Variants in RBFOX1 observed in about 807,000 individuals in gnomAD.
The protein encoded by RBFOX1 is RNA binding fox-1 homolog 1, also known as RNA binding protein fox-1 homolog 1.
Under a neutral mutation model 57.7 loss-of-function variants are expected in RBFOX1, and 8 were observed. The observed-to-expected ratio is 0.14, with a 90% CI of 0.08 to 0.25. RBFOX1 has a LOEUF of 0.25. Among genes scored for constraint, RBFOX1 ranks in the 10% least tolerant of loss-of-function variants. The pLI is 1.00. For missense variants in RBFOX1, 611 were observed against 548.5 expected, an observed-to-expected ratio of 1.11 and a Z score of -1.14; for synonymous variants, 326 against 222.4, an observed-to-expected ratio of 1.47 and a Z score of -4.15.
In RBFOX1 at chr16:5,903,940, C is replaced by T. The variant is rs907774683; in HGVS notation, c.351+36605C>T. Among the ~76,000 whole-genome samples, 13 of 152,092 alleles carry T rather than the reference C, an allele frequency of 8.5e-5. 1 individual carries two copies. Among genetic ancestry groups the T allele is most frequent in the Non-Finnish European group, 1.6e-4 (11 of 68,032 alleles). On this transcript the variant is annotated intron_variant, in intron 4 of 19. Transcript: ENST00000641259. ...TTGCTGAGGGAAGCTGGTGGAGGCA[C>T]GTTTTCCTCTAAGCTGGGTATATGT... is the stretch of plus-strand genomic sequence containing the variant.
intron 3 of RBFOX1, among the ~76,000 whole-genome samples, chr16:5,610,845 G>A (rs999012246): frequency 2.0e-5 from 3 of 152,108 alleles, no homozygotes; most frequent in Non-Finnish European, 2.9e-5. Context: ...TCCAGCCTGG[G>A]TGACAGAGCA....
At chr16:6,683,003 C>G (rs758227301) in intron 3 of RBFOX1, among the ~76,000 whole-genome samples, 1 of 151,848 alleles carries the variant, frequency 6.6e-6, no homozygotes, top group Non-Finnish European at 1.5e-5. Context: ...CACAGCTGGG[C>G]AAGGAGTGAG....
intron 4 of RBFOX1, among the ~76,000 whole-genome samples, chr16:5,910,151 G>T (rs985025036): frequency 3.3e-5 from 5 of 152,118 alleles, no homozygotes; most frequent in African/African-American, 4.8e-5. Context: ...GATCACATGG[G>T]GGTTTGTGAA....
At chr16:6,140,591 G>A (rs1319283502) in intron 1 of RBFOX1, among the ~76,000 whole-genome samples, 1 of 152,072 alleles carries the variant, frequency 6.6e-6, no homozygotes, top group African/African-American at 2.4e-5. Flanking sequence ...GGCAATGAGA[G>A]GAGCAACAAT....
chr16:6,570,516 T>G (rs1024090706), intron 2 of RBFOX1, among the ~76,000 whole-genome samples: 5 of 152,140 alleles, frequency 3.3e-5, no homozygotes, highest in Admixed American at 2.0e-4. Context: ...TATACACACA[T>G]ACATACACAT....
chr16:6,730,269 C>T lies in RBFOX1; in HGVS notation c.-16+75619C>T, dbSNP rs80097493. 6.3e-3 allele frequency among the ~76,000 whole-genome samples: 964 copies of T among 152,182 alleles called. 12 individuals are homozygous for T. Among genetic ancestry groups the T allele is most frequent in the African/African-American group, 0.021 (886 of 41,528 alleles). On this transcript the variant is annotated intron_variant, in intron 3 of 15. Coordinates refer to ENST00000550418, the MANE Select transcript of RBFOX1 (RefSeq NM_018723.4). ...GATGGTAGAACCGTACACCAGTGTA[C>T]GGCCCTAAGGATGGGGGTAGCAATG... is the stretch of plus-strand genomic sequence containing the variant.
At chr16:5,337,418 T>C (rs1335259787) in intron 1 of RBFOX1, among the ~76,000 whole-genome samples, 1 of 152,194 alleles carries the variant, frequency 6.6e-6, no homozygotes, top group Non-Finnish European at 1.5e-5. Flanking sequence ...AGGTGATTTG[T>C]TTAGTGTATG....
intron 3 of RBFOX1, among the ~76,000 whole-genome samples, chr16:7,016,975 C>G (rs926082251): frequency 6.6e-6 from 1 of 152,124 alleles, no homozygotes; most frequent in Non-Finnish European, 1.5e-5. Flanking sequence ...AAAGGTTTCA[C>G]CATTATTTTC....
At chr16:6,787,224 C>A (rs62016112) in intron 3 of RBFOX1, among the ~76,000 whole-genome samples, 43 of 151,998 alleles carry the variant, frequency 2.8e-4, no homozygotes, top group Middle Eastern at 3.4e-3. Context: ...CTGGATAAAG[C>A]AGGCAGCATT....
chr16:5,458,884 T>A (rs2068708866), intron 1 of RBFOX1, among the ~76,000 whole-genome samples: 1 of 152,222 alleles, frequency 6.6e-6, no homozygotes, highest in Admixed American at 6.5e-5. Flanking sequence ...AAGGTAGATA[T>A]GATCCCTCTG....
chr16:5,914,981 C>T (rs781006857), intron 4 of RBFOX1, among the ~76,000 whole-genome samples: 9 of 152,178 alleles, frequency 5.9e-5, no homozygotes, highest in Non-Finnish European at 1.3e-4. Flanking sequence ...TTATCACCTA[C>T]TATTGTGATG....
At chr16:6,370,610 A>G (rs1021984608) in intron 2 of RBFOX1, among the ~76,000 whole-genome samples, 2 of 152,160 alleles carry the variant, frequency 1.3e-5, no homozygotes, top group African/African-American at 4.8e-5. Context: ...GTATGATTCT[A>G]CTTATTTCAG....
rs976339796 is a variant in RBFOX1 at position 6,235,554 on chromosome 16, ATGTATG to A, written c.-126-81437_-126-81432del. Reference sequence around the variant, plus strand: ...GAAACTGTGGTGTGTGTGTGCGTGTATGTATGTGTGTGTGTGTGTGTGTGTGTGTGT... The same window carrying A: ...GAAACTGTGGTGTGTGTGTGCGTGTATGTGTGTGTGTGTGTGTGTGTGTGT... On this transcript the variant is annotated intron_variant, in intron 1 of 15. Transcript: ENST00000550418. Among the ~76,000 whole-genome samples, 5 of 78,296 alleles carry A rather than the reference ATGTATG, an allele frequency of 6.4e-5. No individual in the cohort carries two copies. The Admixed American group carries it at 6.9e-4, about 11-fold the overall frequency. 51.4% of individuals were successfully genotyped at this position (78,296 alleles called of 152,430 possible).
intron 1 of RBFOX1, among the ~76,000 whole-genome samples, chr16:5,442,512 G>A (rs1396424791): frequency 6.6e-6 from 1 of 152,216 alleles, no homozygotes; most frequent in Non-Finnish European, 1.5e-5. Flanking sequence ...TGAGGCTGGT[G>A]AGGATGATAA....
intron 3 of RBFOX1, among the ~76,000 whole-genome samples, chr16:5,648,784 C>T (rs182055271): frequency 2.0e-5 from 3 of 152,156 alleles, no homozygotes; most frequent in African/African-American, 4.8e-5. Context: ...ACATTTTAGG[C>T]CAGGCACACT....
intron 4 of RBFOX1, chr16:7,332,962 T>C: frequency 1.9e-6 from 3 of 1,612,744 alleles, no homozygotes; most frequent in Non-Finnish European, 2.5e-6. Context: ...TCTCCATTGA[T>C]GTGTTGAGCT....
rs146485335 is a variant in RBFOX1, at chr16:6,213,480, C to G, written c.-126-103515C>G. On this transcript the variant is annotated intron_variant, in intron 1 of 15. Transcript: ENST00000550418. ...GCCTCAGCTGCATTTGAACTACTGCCTGAGAGTCTCTGGCTGCCTTGACAC... is the reference window on the plus strand; with the variant it reads ...GCCTCAGCTGCATTTGAACTACTGCGTGAGAGTCTCTGGCTGCCTTGACAC... Among the ~76,000 whole-genome samples the G allele has an allele frequency of 2.6e-3, 394 of 152,292 alleles. 1 individual carries two copies. Among genetic ancestry groups the G allele is most frequent in the African/African-American group, 8.3e-3 (344 of 41,572 alleles).
At chr16:5,392,275 C>T (rs897331963) in intron 1 of RBFOX1, among the ~76,000 whole-genome samples, 4 of 151,948 alleles carry the variant, frequency 2.6e-5, no homozygotes, top group African/African-American at 9.7e-5. Flanking sequence ...CCTCTAAAAC[C>T]TATGGAAATA....
At chr16:7,055,025 A>G (rs2051642344) in intron 4 of RBFOX1, among the ~76,000 whole-genome samples, 1 of 152,172 alleles carries the variant, frequency 6.6e-6, no homozygotes, top group African/African-American at 2.4e-5. Flanking sequence ...CGAAGCCTAA[A>G]TTAATTTTTC....
Sources: gnomAD v4.1 joint callset for allele counts (sites outside exome capture counted in the v4.1 genomes callset) on GRCh38, gnomAD v4.1.1 for gene constraint, MANE v1.5 for transcripts, NCBI Gene and HGNC (gene_info 2026-07-23, HGNC 2026-07-21) for gene names.